PIEZO2: variants seen among roughly 807,000 people sequenced by gnomAD.
The protein encoded by PIEZO2 is piezo type mechanosensitive ion channel component 2.
A neutral mutation model predicts 337.3 loss-of-function variants in PIEZO2; 172 were observed. The observed-to-expected ratio is 0.51, with a 90% CI of 0.45 to 0.58. The LOEUF (loss-of-function observed/expected upper bound fraction) is 0.58. PIEZO2 is among the 20% of genes least tolerant of loss of function. The pLI is 0.00. For missense variants in PIEZO2, 3,028 were observed against 3,391.3 expected (o/e 0.89, Z 2.66); for synonymous variants, 1,251 against 1,228.5 (o/e 1.02, Z -0.38).
At chr18:11,075,302 C>T (rs1362467726) in intron 1 of PIEZO2, among the ~76,000 whole-genome samples, 4 of 152,092 alleles carry the variant, frequency 2.6e-5, no homozygotes, top group Admixed American at 2.0e-4. Context: ...GAAATAGCTA[C>T]AAAGTGTTTA....
chr18:10,734,754 G>C (rs967019736), intron 35 of PIEZO2, among the ~76,000 whole-genome samples: 1 of 152,186 alleles, frequency 6.6e-6, no homozygotes. Context: ...CCAGGAAGAA[G>C]CTGGCTGTAC....
chr18:11,024,035 A>G (rs2036431831), intron 2 of PIEZO2, among the ~76,000 whole-genome samples: 1 of 151,610 alleles, frequency 6.6e-6, no homozygotes, highest in African/African-American at 2.4e-5. Context: ...CTCCCTCCAC[A>G]CCTCCCCGCA....
At chr18:11,088,136 AC>A (rs531931231) in intron 1 of PIEZO2, among the ~76,000 whole-genome samples, 102 of 152,212 alleles carry the variant, frequency 6.7e-4, no homozygotes, top group Non-Finnish European at 1.2e-3. Context: ...TCTTTTCCCT[AC>A]CCCCACAATT....
chr18:10,699,851 G>A (rs2035259926), intron 43 of PIEZO2, among the ~76,000 whole-genome samples: 1 of 152,132 alleles, frequency 6.6e-6, no homozygotes, highest in Admixed American at 6.5e-5. Context: ...GCTCTCCCCT[G>A]AGCTCTTTGG....
intron 2 of PIEZO2, among the ~76,000 whole-genome samples, chr18:11,046,621 C>T (rs1443016919): frequency 1.3e-5 from 2 of 152,236 alleles, no homozygotes; most frequent in African/African-American, 4.8e-5. Flanking sequence ...TCGCTCAGGT[C>T]TTGCCTCTCT....
chr18:11,143,349 C>T lies in PIEZO2; in HGVS notation c.64+5176G>A, dbSNP rs1224030860. 6.6e-6 allele frequency among the ~76,000 whole-genome samples: 1 copy of T among 152,172 alleles called. No homozygotes were observed. The highest frequency in any genetic ancestry group is 2.4e-5 in the African/African-American group (1 of 41,448). On this transcript the variant is annotated intron_variant, in intron 1 of 55. Coordinates refer to ENST00000674853, the MANE Select transcript of PIEZO2 (RefSeq NM_001378183.1). This position sits in a 1 kb window ranked among gnomAD's most constrained non-coding sequence, Gnocchi z 4.9. ...TACACATCATTACTACATAACTTCACATACAATTCACTGTTAGTAGCACAA... is the reference window on the plus strand; with the variant it reads ...TACACATCATTACTACATAACTTCATATACAATTCACTGTTAGTAGCACAA...
intron 10 of PIEZO2, among the ~76,000 whole-genome samples, chr18:10,800,910 A>T (rs1220839921): frequency 6.6e-6 from 1 of 152,220 alleles, no homozygotes; most frequent in East Asian, 1.9e-4. Flanking sequence ...CCTATGCCCT[A>T]TGTGGCTCTG....
chr18:10,764,894 TCAA>T (rs987384513), intron 21 of PIEZO2, among the ~76,000 whole-genome samples: 48 of 151,750 alleles, frequency 3.2e-4, no homozygotes, highest in African/African-American at 1.1e-3. Context: ...TCCATAGTCA[TCAA>T]CAAGTGTCTC....
At chr18:10,691,432 A>G (rs774477455) in intron 47 of PIEZO2, 49 bp from the exon 48 acceptor site, 1 of 1,570,208 alleles carries the variant, frequency 6.4e-7, no homozygotes, top group Non-Finnish European at 8.7e-7. Flanking sequence ...CTCTTCTGAA[A>G]CAAAAGGATG....
intron 2 of PIEZO2, among the ~76,000 whole-genome samples, chr18:11,018,534 C>A: frequency 6.6e-6 from 1 of 151,998 alleles, no homozygotes; most frequent in East Asian, 1.9e-4. Context: ...TGTGGTGTCT[C>A]ATTTATGGCC....
chr18:10,699,298 G>T, intron 43 of PIEZO2, 121 bp from the exon 44 acceptor site: 2 of 1,332,710 alleles, frequency 1.5e-6, no homozygotes, highest in Non-Finnish European at 2.0e-6. Flanking sequence ...AGATGATATG[G>T]TTTGGCTGTG....
At chr18:10,763,513 G>A (rs923585400) in intron 21 of PIEZO2, among the ~76,000 whole-genome samples, 1 of 152,176 alleles carries the variant, frequency 6.6e-6, no homozygotes, top group Admixed American at 6.5e-5. Context: ...AATGAAGGCA[G>A]GAAAGCATGA....
At chr18:11,140,025 A>T (rs2040597378) in intron 1 of PIEZO2, among the ~76,000 whole-genome samples, 1 of 152,084 alleles carries the variant, frequency 6.6e-6, no homozygotes, top group South Asian at 2.1e-4. Context: ...GTCTTTGGTG[A>T]TCACATGGCC....
chr18:10,790,205 T>C (rs915442947), intron 14 of PIEZO2, among the ~76,000 whole-genome samples: 6 of 152,326 alleles, frequency 3.9e-5, no homozygotes, highest in South Asian at 2.1e-4. Context: ...AGACTTTTGT[T>C]ACTGAAAAAC....
Position 11,132,116 on chromosome 18 carries a change from A to C in PIEZO2, c.64+16409T>G, listed in dbSNP as rs926779244. Among the ~76,000 whole-genome samples the C allele has an allele frequency of 2.6e-5, 4 of 152,194 alleles. No individual in the cohort carries two copies. The highest frequency in any genetic ancestry group is 5.9e-5 in the Non-Finnish European group (4 of 68,032). On this transcript the variant is annotated intron_variant, in intron 1 of 55. Coordinates refer to ENST00000674853, the MANE Select transcript of PIEZO2 (RefSeq NM_001378183.1). The surrounding 1 kb of genome is among the most constrained non-coding windows in gnomAD (Gnocchi z 4.7). The stretch of plus-strand genomic sequence containing the variant: ...TGGTTGATTATATTGGACCTCTTCC[A>C]ACATGGAAAGAGGAGAGATTTGTTC...
rs944629057 is a variant in PIEZO2 at position 11,096,088 on chromosome 18, G to T, written c.65-29866C>A. 1.3e-5 allele frequency among the ~76,000 whole-genome samples: 2 copies of T among 152,228 alleles called. No homozygotes were observed. The highest frequency in any genetic ancestry group is 2.4e-5 in the African/African-American group (1 of 41,472). On this transcript the variant is annotated intron_variant, in intron 1 of 55. Coordinates refer to ENST00000674853, the MANE Select transcript of PIEZO2 (RefSeq NM_001378183.1). The surrounding 1 kb of genome is among the most constrained non-coding windows in gnomAD (Gnocchi z 4.6). Reference sequence around the variant, plus strand: ...ATGGAAAGGGCTTGGAACCAGCGGAGCTGTCCAAGTGAGGCTTCCATTCTC... The same window carrying T: ...ATGGAAAGGGCTTGGAACCAGCGGATCTGTCCAAGTGAGGCTTCCATTCTC...
At chr18:10,890,042 C>T (rs1361103746) in intron 4 of PIEZO2, among the ~76,000 whole-genome samples, 1 of 152,212 alleles carries the variant, frequency 6.6e-6, no homozygotes, top group African/African-American at 2.4e-5. Context: ...TATCCCATAA[C>T]AGAGCAAATC....
At chr18:10,831,097 C>A (rs1036228055) in intron 7 of PIEZO2, among the ~76,000 whole-genome samples, 2 of 152,080 alleles carry the variant, frequency 1.3e-5, no homozygotes, top group Admixed American at 6.5e-5. Context: ...TAGCACAACC[C>A]CTATGGAAAA....
intron 37 of PIEZO2, among the ~76,000 whole-genome samples, chr18:10,717,231 T>C (rs1373047203): frequency 2.6e-5 from 4 of 152,198 alleles, no homozygotes; most frequent in African/African-American, 4.8e-5. Context: ...AAACAAGACA[T>C]GTGATCTGAA....
Sources: gnomAD v4.1 joint callset for allele counts (sites outside exome capture counted in the v4.1 genomes callset) on GRCh38, gnomAD v4.1.1 for gene constraint, Gnocchi (gnomAD v3.1) non-coding constraint, MANE v1.5 for transcripts, NCBI Gene and HGNC (gene_info 2026-07-23, HGNC 2026-07-21) for gene names.